Variants in PALLD observed in about 807,000 individuals in gnomAD.
PALLD encodes palladin.
PALLD carries 61 observed loss-of-function variants against 123.5 expected under a neutral mutation model. The observed-to-expected ratio is 0.49, with a 90% CI of 0.40 to 0.61. The LOEUF (loss-of-function observed/expected upper bound fraction) is 0.61. PALLD is among the 20% of genes least tolerant of loss of function. PALLD has a pLI of 0.00. For synonymous variants in PALLD, 465 were observed against 496.4 expected (o/e 0.94, Z 0.84); for missense variants, 1,273 against 1,377.0 (o/e 0.92, Z 1.20).
chr4:168,725,222 C>A (rs1786427743), intron 10 of PALLD, among the ~76,000 whole-genome samples: 1 of 152,166 alleles, frequency 6.6e-6, no homozygotes, highest in African/African-American at 2.4e-5. Context: ...ATCGACTCTT[C>A]TTTTCGCTCA....
intron 8 of PALLD, among the ~76,000 whole-genome samples, chr4:168,696,687 GA>G (rs75901128): frequency 7.5e-5 from 11 of 146,152 alleles, no homozygotes; most frequent in Non-Finnish European, 1.2e-4. Context: ...TGAAAAGCTA[GA>G]AAAAAAAAAG....
intron 10 of PALLD, among the ~76,000 whole-genome samples, chr4:168,745,059 G>A (rs1730082867): frequency 2.0e-5 from 3 of 152,128 alleles, no homozygotes; most frequent in South Asian, 2.1e-4. Flanking sequence ...TACCTCTTTA[G>A]TTCAGCTATG....
Position 168,716,979 on chromosome 4 carries a change from A to C in PALLD, c.1964+5056A>C, listed in dbSNP as rs540039743. ...ATGGCTGGCTCTTACTTGTCTTTCA[A>C]ATCTCAGCTTAATGTCACCACTTCC... is the stretch of plus-strand genomic sequence containing the variant. On this transcript the variant is annotated intron_variant, in intron 10 of 21. Transcript: ENST00000505667. 2.3e-3 allele frequency among the ~76,000 whole-genome samples: 350 copies of C among 152,242 alleles called. 1 individual carries two copies. The highest frequency in any genetic ancestry group is 7.9e-3 in the African/African-American group (329 of 41,546).
intron 10 of PALLD, among the ~76,000 whole-genome samples, chr4:168,809,874 AG>A (rs1189516060): frequency 1.1e-4 from 4 of 36,430 alleles, no homozygotes; most frequent in Non-Finnish European, 4.2e-4. Flanking sequence ...AAAAAAAAAA[AG>A]AAAAAAAAAT....
chr4:168,678,284 G>C (rs1283210492), intron 3 of PALLD, among the ~76,000 whole-genome samples: 1 of 152,102 alleles, frequency 6.6e-6, no homozygotes, highest in African/African-American at 2.4e-5. Flanking sequence ...TCTTAGTGAG[G>C]TTCATTATGA....
At chr4:168,801,492 A>G (rs1346091421) in intron 10 of PALLD, among the ~76,000 whole-genome samples, 3 of 152,156 alleles carry the variant, frequency 2.0e-5, no homozygotes, top group African/African-American at 7.2e-5. Context: ...GTTAGCCAGG[A>G]TGGGCTCGAT....
intron 10 of PALLD, chr4:168,878,143 C>T: frequency 1.3e-6 from 2 of 1,488,860 alleles, no homozygotes; most frequent in Non-Finnish European, 1.8e-6. Context: ...GGGGCTCCTC[C>T]TCGCCGTCGC....
intron 2 of PALLD, among the ~76,000 whole-genome samples, chr4:168,580,105 G>A (rs1457369407): frequency 2.0e-5 from 3 of 151,782 alleles, no homozygotes; most frequent in Non-Finnish European, 4.4e-5. Flanking sequence ...TGGATTCCAC[G>A]TGTGTCAGAT....
At chr4:168,589,276 TTATTCCC>T (rs1356732658) in intron 2 of PALLD, among the ~76,000 whole-genome samples, 1 of 152,198 alleles carries the variant, frequency 6.6e-6, no homozygotes, top group Non-Finnish European at 1.5e-5. Flanking sequence ...GCTTGTCAGC[TTATTCCC>T]TCAGGGCCAG....
chr4:168,878,352 C>T lies in PALLD; in HGVS notation c.1965-12570C>T, dbSNP rs587780761. On this transcript the variant is annotated intron_variant, in intron 10 of 21. Coordinates refer to ENST00000505667, the MANE Select transcript of PALLD (RefSeq NM_001166108.2). ...CTGCTGCCCTCGCAGCCGCCGCCGG[C>T]GGCCGTCAACGCCCTGGGGCTGCCC... 14 of 1,518,956 alleles carry T rather than the reference C, an allele frequency of 9.2e-6. No individual in the cohort carries two copies. The highest frequency in any genetic ancestry group is 1.2e-5 in the Non-Finnish European group (14 of 1,140,028). 94.1% of individuals were successfully genotyped at this position (1,518,956 alleles called of 1,614,324 possible).
chr4:168,497,774 G>A lies in PALLD; in HGVS notation c.-83+580G>A, dbSNP rs151285684. On this transcript the variant is annotated intron_variant, in intron 1 of 21. Transcript: ENST00000505667. The stretch of plus-strand genomic sequence containing the variant: ...ACATACATATTTTTAATAAGATAAC[G>A]CTTACTAAGGGAAACCACAGTGCAA... Among the ~76,000 whole-genome samples the A allele has an allele frequency of 2.1e-3, 327 of 152,210 alleles. 2 individuals are homozygous for A. Among genetic ancestry groups the A allele is most frequent in the African/African-American group, 7.4e-3 (308 of 41,544 alleles).
In PALLD at chr4:168,894,695, A is replaced by G. The variant is rs1754743835; in HGVS notation, c.2199+18A>G. 3 of 1,610,482 alleles carry G rather than the reference A, an allele frequency of 1.9e-6. No homozygotes were observed. The highest frequency in any genetic ancestry group is 3.3e-5 in the Admixed American group (2 of 59,914). On this transcript the variant is annotated intron_variant, in intron 12 of 21. Coordinates refer to ENST00000505667, the MANE Select transcript of PALLD (RefSeq NM_001166108.2). ...CTAATCAGGTACCATGTTGCTCTGGACTTCTTAGGGTAACATTTATTCTGT... is the reference window on the plus strand; with the variant it reads ...CTAATCAGGTACCATGTTGCTCTGGGCTTCTTAGGGTAACATTTATTCTGT...
chr4:168,809,868 A>C (rs1006822888), intron 10 of PALLD, among the ~76,000 whole-genome samples: 27 of 103,804 alleles, frequency 2.6e-4, no homozygotes, highest in African/African-American at 8.3e-4. Context: ...TGTCTCAAAA[A>C]AAAAAAGAAA....
chr4:168,910,062 G>A (rs1758592623), intron 15 of PALLD, among the ~76,000 whole-genome samples: 1 of 152,082 alleles, frequency 6.6e-6, no homozygotes, highest in East Asian at 1.9e-4. Flanking sequence ...AGAATAGAGA[G>A]ATTACAAATG....
intron 10 of PALLD, among the ~76,000 whole-genome samples, chr4:168,802,549 G>A (rs1448209415): frequency 1.3e-5 from 2 of 152,176 alleles, no homozygotes; most frequent in African/African-American, 2.4e-5. Context: ...ATAAACATGG[G>A]AAAAATAGAC....
chr4:168,794,644 T>A (rs1738231532), intron 10 of PALLD, among the ~76,000 whole-genome samples: 1 of 152,068 alleles, frequency 6.6e-6, no homozygotes, highest in African/African-American at 2.4e-5. Context: ...CACGTCCGTC[T>A]TTTAGCCTCT....
intron 8 of PALLD, among the ~76,000 whole-genome samples, chr4:168,693,403 G>A (rs1043041220): frequency 3.3e-5 from 5 of 152,296 alleles, no homozygotes; most frequent in Admixed American, 6.5e-5. Context: ...ACAGCTTCAT[G>A]GAATCACCTG....
intron 2 of PALLD, among the ~76,000 whole-genome samples, chr4:168,565,646 C>T (rs1207615413): frequency 6.6e-6 from 1 of 152,114 alleles, no homozygotes. Context: ...CAGGAAAACA[C>T]AGGTGCAGAT....
intron 10 of PALLD, among the ~76,000 whole-genome samples, chr4:168,722,257 C>T (rs1459959462): frequency 6.6e-6 from 1 of 152,034 alleles, no homozygotes; most frequent in Non-Finnish European, 1.5e-5. Context: ...TGTTGCCCAG[C>T]CAGGTCTCAA....
Sources: allele counts gnomAD v4.1 joint callset (sites outside exome capture counted in the v4.1 genomes callset), GRCh38; gene constraint gnomAD v4.1.1; transcripts MANE v1.5; gene names NCBI Gene and HGNC (gene_info 2026-07-23, HGNC 2026-07-21).